Variants in NBEA observed in about 807,000 individuals in gnomAD.
The protein encoded by NBEA is neurobeachin, also known as lysosomal-trafficking regulator 2.
A neutral mutation model predicts 343.4 loss-of-function variants in NBEA; 44 were observed. The observed-to-expected ratio is 0.13, with a 90% confidence interval of 0.10 to 0.16. The LOEUF (loss-of-function observed/expected upper bound fraction) is 0.16. NBEA is among the 10% of genes least tolerant of loss of function. The pLI is 1.00. For synonymous variants in NBEA, 1,175 were observed against 1,238.7 expected, an observed-to-expected ratio of 0.95 and a Z score of 1.08; for missense variants, 2,555 against 3,631.3, an observed-to-expected ratio of 0.70 and a Z score of 7.62.
chr13:35,185,589 A>T (rs2071641771), intron 30 of NBEA: 1 of 152,166 alleles, frequency 6.6e-6, no homozygotes, highest in Admixed American at 6.6e-5. Context: ...TGTGTTCCAA[A>T]GGCTCTGCTA....
intron 39 of NBEA, among the ~76,000 whole-genome samples, chr13:35,443,370 C>A (rs2045842326): frequency 6.6e-6 from 1 of 151,876 alleles, no homozygotes; most frequent in Non-Finnish European, 1.5e-5. Flanking sequence ...ATTTTTGAAC[C>A]AAGTTTATTA....
chr13:35,010,868 C>CTA (rs2061474842), intron 1 of NBEA, among the ~76,000 whole-genome samples: 1 of 148,872 alleles, frequency 6.7e-6, no homozygotes. Context: ...TTTGAGGCTG[C>CTA]AGTGAGCCAT....
chr13:35,116,373 T>G (rs2066491369), intron 13 of NBEA, among the ~76,000 whole-genome samples: 1 of 152,176 alleles, frequency 6.6e-6, no homozygotes, highest in Non-Finnish European at 1.5e-5. Context: ...GTTGTTCATG[T>G]ATGTTTTCTG....
Position 35,327,557 on chromosome 13 carries a change from A to C in NBEA, c.5903+17965A>C, listed in dbSNP as rs570850341. Among the ~76,000 whole-genome samples, 3 of 152,048 alleles carry C rather than the reference A, an allele frequency of 2.0e-5. No homozygotes were observed. In the South Asian group the frequency reaches 6.2e-4, roughly 31 times the overall value. On this transcript the variant is annotated intron_variant, in intron 36 of 58. Coordinates refer to ENST00000379939, the MANE Select transcript of NBEA (RefSeq NM_001385012.1). ...AACAAAGTACCACATGTTCTTACTT[A>C]TAAGTGTGAGCTAAACGTTGGATAA...
chr13:35,151,430 C>T (rs991336414), intron 18 of NBEA, among the ~76,000 whole-genome samples: 1 of 151,380 alleles, frequency 6.6e-6, no homozygotes, highest in Non-Finnish European at 1.5e-5. Flanking sequence ...GTAATTACAG[C>T]TACTCAGGAG....
At chr13:35,298,420 T>C (rs756287599) in intron 35 of NBEA, among the ~76,000 whole-genome samples, 6 of 151,558 alleles carry the variant, frequency 4.0e-5, no homozygotes, top group Admixed American at 1.3e-4. Flanking sequence ...AATGTTCTTA[T>C]ACTGGCTTCC....
rs112384583 is a variant in NBEA, at chr13:35,003,904, G to C, written c.295-37029G>C. 9.0e-3 allele frequency among the ~76,000 whole-genome samples: 1,373 copies of C among 152,198 alleles called. 22 individuals are homozygous for C. Among genetic ancestry groups the C allele is most frequent in the African/African-American group, 0.031 (1,297 of 41,536 alleles). The stretch of plus-strand genomic sequence containing the variant: ...ATCTCCTAGGTATTAAGCCCTGCAC[G>C]CATTAGCCATTTATCCTGATGCTCT... On this transcript the variant is annotated intron_variant, in intron 1 of 58. Coordinates refer to ENST00000379939, the MANE Select transcript of NBEA (RefSeq NM_001385012.1).
intron 1 of NBEA, among the ~76,000 whole-genome samples, chr13:35,016,571 C>A (rs1440768230): frequency 7.1e-6 from 1 of 141,560 alleles, no homozygotes; most frequent in African/African-American, 2.6e-5. Context: ...CTCCACCGTC[C>A]TTCAGCTTGT....
chr13:35,524,951 G>A (rs1436754840), intron 41 of NBEA, among the ~76,000 whole-genome samples: 2 of 152,100 alleles, frequency 1.3e-5, no homozygotes, highest in African/African-American at 2.4e-5. Context: ...GTGTATTCTG[G>A]TCCCCATTGT....
chr13:35,016,778 A>C (rs114725309), intron 1 of NBEA, among the ~76,000 whole-genome samples: 2,231 of 152,256 alleles, frequency 0.015, 49 homozygotes, highest in African/African-American at 0.052. Context: ...AGAGGCAGCA[A>C]CTCAAACTGA....
At position 35,159,575 on chromosome 13, in the gene NBEA, A is replaced by G; in HGVS notation, c.3404A>G (p.Glu1135Gly). The G allele has an allele frequency of 6.2e-7, 1 of 1,612,478 alleles. No individual in the cohort carries two copies. Among genetic ancestry groups the G allele is most frequent in the Non-Finnish European group, 8.5e-7 (1 of 1,179,378 alleles). Residue 1135 changes from glutamate to glycine, a missense_variant, in exon 22 of 59, where the codon GAG becomes GGG. Glu to Gly is a moderately conservative substitution (Grantham distance 98). Coordinates refer to ENST00000379939, the MANE Select transcript of NBEA (RefSeq NM_001385012.1). ...GGTCCATTGATAACATTAGCAGATG[A>G]GAAAGAAGACCTTCCCAATAGTAGT... ...DNGPLITLAD[E>G]KEDLPNSSTS...
At chr13:35,336,962 C>T (rs1017477142) in intron 36 of NBEA, among the ~76,000 whole-genome samples, 9 of 151,968 alleles carry the variant, frequency 5.9e-5, no homozygotes, top group Non-Finnish European at 1.0e-4. Context: ...ACACCAAACC[C>T]CTGTGACATG....
At chr13:35,478,158 GTGTTT>G (rs1457183516) in intron 41 of NBEA, among the ~76,000 whole-genome samples, 1 of 152,066 alleles carries the variant, frequency 6.6e-6, no homozygotes. Flanking sequence ...TTTTGTTTGT[GTGTTT>G]TGTTTTGCAC....
At chr13:35,314,036 T>C (rs562480081) in intron 36 of NBEA, among the ~76,000 whole-genome samples, 1 of 152,200 alleles carries the variant, frequency 6.6e-6, no homozygotes, top group African/African-American at 2.4e-5. Context: ...ATAAACTCTC[T>C]GAGAGGGGTG....
intron 41 of NBEA, among the ~76,000 whole-genome samples, chr13:35,488,616 T>C (rs1235112736): frequency 2.0e-5 from 3 of 151,968 alleles, no homozygotes; most frequent in Non-Finnish European, 2.9e-5. Flanking sequence ...AACATATTGA[T>C]CTACATATTT....
chr13:35,541,300 A>AT, intron 41 of NBEA, among the ~76,000 whole-genome samples: 1 of 150,576 alleles, frequency 6.6e-6, no homozygotes, highest in East Asian at 2.0e-4. Context: ...ATTATTTGTG[A>AT]TTTTCCACCA....
Position 35,618,075 on chromosome 13 carries a change from G to C in NBEA, c.7450-10006G>C, listed in dbSNP as rs539059223. Among the ~76,000 whole-genome samples the C allele has an allele frequency of 3.9e-4, 60 of 152,142 alleles. 1 individual carries two copies. Among genetic ancestry groups the C allele is most frequent in the Non-Finnish European group, 5.9e-5 (4 of 68,028 alleles). On this transcript the variant is annotated intron_variant, in intron 48 of 58. Coordinates refer to ENST00000379939, the MANE Select transcript of NBEA (RefSeq NM_001385012.1). ...ATAGCTTTAGAGAAAATGTGCTCTA[G>C]TATATTTATAATTTTGACTAGGATT... is the stretch of plus-strand genomic sequence containing the variant.
intron 41 of NBEA, chr13:35,474,884 T>G: frequency 1.3e-6 from 1 of 787,228 alleles, no homozygotes; most frequent in Non-Finnish European, 2.0e-6. Context: ...CTTCCCCTAC[T>G]TTTTCTCCCC....
intron 30 of NBEA, chr13:35,186,826 AAATT>A (rs1179873519): frequency 6.6e-6 from 1 of 152,170 alleles, no homozygotes; most frequent in East Asian, 1.9e-4. Context: ...GTAGTTGTCT[AAATT>A]AATCACCAGT....
Sources: gnomAD v4.1 joint callset for allele counts (sites outside exome capture counted in the v4.1 genomes callset) on GRCh38, gnomAD v4.1.1 for gene constraint, MANE v1.5 for transcripts, NCBI Gene and HGNC (gene_info 2026-07-23, HGNC 2026-07-21) for gene names.